Variants in USH2A observed in about 807,000 individuals in gnomAD.
USH2A encodes the protein usherin.
In USH2A, 443 loss-of-function variants were observed where a neutral mutation model predicts 538.9. That is an observed-to-expected ratio of 0.82 (90% CI 0.76 to 0.89). The LOEUF (loss-of-function observed/expected upper bound fraction) is 0.89. Among genes scored for constraint, USH2A ranks in the 40% least tolerant of loss-of-function variants. The pLI, the probability that USH2A is intolerant of heterozygous loss-of-function variation, is 0.00. For synonymous variants in USH2A, 2,413 were observed against 2,273.5 expected, an observed-to-expected ratio of 1.06 and a Z score of -1.75; for missense variants, 6,633 against 6,324.8, an observed-to-expected ratio of 1.05 and a Z score of -1.65.
intron 4 of USH2A, among the ~76,000 whole-genome samples, chr1:216,336,243 A>G (rs1424221655): frequency 1.3e-5 from 2 of 151,472 alleles, no homozygotes; most frequent in African/African-American, 2.4e-5. Flanking sequence ...TAACTATTAA[A>G]GAAGACAACT....
rs193233796 is a variant in USH2A, at chr1:215,627,599, C to A, written c.15519+1215G>T. 4.6e-5 allele frequency among the ~76,000 whole-genome samples: 7 copies of A among 151,828 alleles called. No individual in the cohort carries two copies. The East Asian group carries it at 1.4e-3, about 30-fold the overall frequency. On this transcript the variant is annotated intron_variant, in intron 71 of 71. Coordinates refer to ENST00000307340, the MANE Select transcript of USH2A (RefSeq NM_206933.4). ...GGAGTGCAGTGGGGCCATCTCAGCT[C>A]ACTGCAACTTCCACCTCCCAGGTTC...
intron 32 of USH2A, among the ~76,000 whole-genome samples, chr1:216,005,025 A>G (rs150741252): frequency 1.3e-5 from 2 of 152,192 alleles, no homozygotes; most frequent in Non-Finnish European, 2.9e-5. Flanking sequence ...TCTTCAGAGT[A>G]ACACCCTGTA....
chr1:216,331,822 T>C (rs1006978950), intron 4 of USH2A, among the ~76,000 whole-genome samples: 2 of 152,032 alleles, frequency 1.3e-5, no homozygotes, highest in African/African-American at 2.4e-5. Flanking sequence ...CTATAAGACA[T>C]TGAGGAAACG....
chr1:216,145,140 T>G (rs2033671753), intron 21 of USH2A, among the ~76,000 whole-genome samples: 1 of 152,050 alleles, frequency 6.6e-6, no homozygotes, highest in Admixed American at 6.5e-5. Context: ...ACAATACACC[T>G]CTCTCTGTCT....
At chr1:216,148,067 G>A (rs1479831375) in intron 21 of USH2A, among the ~76,000 whole-genome samples, 2 of 151,428 alleles carry the variant, frequency 1.3e-5, no homozygotes, top group Admixed American at 6.6e-5. Flanking sequence ...CACGGACGCC[G>A]AGCTTCGGGT....
chr1:215,735,188 T>C (rs1258838891), intron 60 of USH2A, among the ~76,000 whole-genome samples: 1 of 152,228 alleles, frequency 6.6e-6, no homozygotes, highest in Non-Finnish European at 1.5e-5. Flanking sequence ...TTCAACTGTC[T>C]GAGTCCCAGC....
chr1:216,327,575 T>C lies in USH2A; in HGVS notation c.848+16A>G, dbSNP rs773974958. 1.2e-6 allele frequency: 2 copies of C among 1,612,960 alleles called. No homozygotes were observed. Among genetic ancestry groups the C allele is most frequent in the Non-Finnish European group, 1.7e-6 (2 of 1,179,294 alleles). On this transcript the variant is annotated intron_variant, in intron 5 of 71. Transcript: ENST00000307340. ...TCCTTTCGGTTCTTGAGGTTTACAA[T>C]GCAACATCTGCTTACCTGTTTGTAA... is the stretch of plus-strand genomic sequence containing the variant.
chr1:215,770,064 C>T (rs1661235933), intron 55 of USH2A, among the ~76,000 whole-genome samples: 1 of 152,170 alleles, frequency 6.6e-6, no homozygotes, highest in Non-Finnish European at 1.5e-5. Context: ...TCACATCTGC[C>T]ATATTTACCT....
intron 62 of USH2A, among the ~76,000 whole-genome samples, chr1:215,677,309 C>T (rs185482883): frequency 8.5e-5 from 13 of 152,258 alleles, no homozygotes; most frequent in Admixed American, 3.9e-4. Flanking sequence ...TTATCTCCTA[C>T]GTCACCAGTT....
rs1457732845 is a variant in USH2A at position 215,717,147 on chromosome 1, G to T, written c.12066+10883C>A. On this transcript the variant is annotated intron_variant, in intron 61 of 71. Coordinates refer to ENST00000307340, the MANE Select transcript of USH2A (RefSeq NM_206933.4). ...GATGAAAGAAACCCATTAACTGCTT[G>T]GTAAAACATTCCTTATTGGCTCTTA... Among the ~76,000 whole-genome samples, 3 of 152,102 alleles carry T rather than the reference G, an allele frequency of 2.0e-5. 1 individual carries two copies. The highest frequency in any genetic ancestry group is 6.3e-3 in the Middle Eastern group (2 of 316).
chr1:215,916,198 TA>T (rs776890631), intron 38 of USH2A, among the ~76,000 whole-genome samples: 4 of 151,006 alleles, frequency 2.6e-5, no homozygotes, highest in South Asian at 2.1e-4. Context: ...AATAATAAAA[TA>T]AAAAAAAGAA....
At chr1:215,960,514 G>T (rs1354088302) in intron 37 of USH2A, among the ~76,000 whole-genome samples, 1 of 152,074 alleles carries the variant, frequency 6.6e-6, no homozygotes, top group Non-Finnish European at 1.5e-5. Flanking sequence ...GGTGAATGGT[G>T]CACCCTTGAG....
At chr1:215,872,678 A>G (rs1486281294) in intron 43 of USH2A, among the ~76,000 whole-genome samples, 1 of 152,054 alleles carries the variant, frequency 6.6e-6, no homozygotes, top group Admixed American at 6.6e-5. Flanking sequence ...TGTCCCCTCC[A>G]AATCTTATGT....
chr1:215,972,912 A>G (rs945509179), intron 35 of USH2A, among the ~76,000 whole-genome samples: 5 of 152,212 alleles, frequency 3.3e-5, no homozygotes, highest in African/African-American at 1.2e-4. Flanking sequence ...TGACACACAA[A>G]GACACAAATG....
chr1:215,977,950 G>A (rs12070264), intron 35 of USH2A, among the ~76,000 whole-genome samples: 24,682 of 152,110 alleles, frequency 0.16, 2,324 homozygotes, highest in African/African-American at 0.26. Context: ...ATGTGGCAAA[G>A]CCCTGTCTCT....
chr1:216,169,944 G>A (rs1410114663), intron 21 of USH2A, among the ~76,000 whole-genome samples: 1 of 151,802 alleles, frequency 6.6e-6, no homozygotes, highest in East Asian at 1.9e-4. Context: ...TTGTTTAGTT[G>A]TTTTGTTTTT....
At chr1:215,768,391 G>A (rs1035532267) in intron 55 of USH2A, among the ~76,000 whole-genome samples, 1 of 152,218 alleles carries the variant, frequency 6.6e-6, no homozygotes, top group Non-Finnish European at 1.5e-5. Context: ...TAGAATGAGA[G>A]CAGTAGTCTG....
intron 21 of USH2A, among the ~76,000 whole-genome samples, chr1:216,158,284 G>A (rs930377455): frequency 6.6e-6 from 1 of 151,994 alleles, no homozygotes; most frequent in Admixed American, 6.6e-5. Context: ...CACCCAGGCT[G>A]GAGTGCAGTG....
intron 30 of USH2A, among the ~76,000 whole-genome samples, chr1:216,059,279 A>G (rs867348564): frequency 6.6e-6 from 1 of 152,190 alleles, no homozygotes; most frequent in South Asian, 2.1e-4. Flanking sequence ...AGGCAAAAAT[A>G]ACGTGATTTA....
Sources: gnomAD v4.1 joint callset for allele counts (sites outside exome capture counted in the v4.1 genomes callset) on GRCh38, gnomAD v4.1.1 for gene constraint, MANE v1.5 for transcripts, NCBI Gene and HGNC (gene_info 2026-07-23, HGNC 2026-07-21) for gene names.